Variants in GTF3C3 observed in about 807,000 individuals in gnomAD.
GTF3C3 encodes the protein general transcription factor IIIC subunit 3, also known as general transcription factor 3C polypeptide 3.
Under a neutral mutation model 105.2 loss-of-function variants are expected in GTF3C3, and 75 were observed. That is an observed-to-expected ratio of 0.71 (90% CI 0.59 to 0.86). GTF3C3 has a LOEUF of 0.86. Ranked by LOEUF, GTF3C3 falls within the 40% of genes least tolerant of loss-of-function variation. The probability of loss-of-function intolerance (pLI) is 0.00; values close to 1 mark genes in which losing one functional copy is unlikely to be tolerated. For missense variants in GTF3C3, 856 were observed against 1,076.5 expected (o/e 0.80, Z 2.87); for synonymous variants, 335 against 370.4 (o/e 0.90, Z 1.10).
intron 8 of GTF3C3, 148 bp downstream of exon 8, chr2:196,784,709 T>A (rs1438044550): frequency 1.1e-5 from 11 of 1,017,312 alleles, no homozygotes; most frequent in Non-Finnish European, 1.3e-5. Context: ...ATATGAAATC[T>A]CTGAGAAAAA....
rs1333151930 is a variant in GTF3C3 at position 196,791,331 on chromosome 2, A to G, written c.535+6T>C. 2 of 1,613,876 alleles carry G rather than the reference A, an allele frequency of 1.2e-6. No individual in the cohort carries two copies. The highest frequency in any genetic ancestry group is 2.2e-5 in the East Asian group (1 of 44,862). On this transcript the variant is annotated splice_donor_region_variant and intron_variant, in intron 4 of 17. Transcript: ENST00000263956. ...CTATTATTAACAAAGTCCCCACAGAAAACACCTTGTCTTATGATTTCCATG... is the reference window on the plus strand; with the variant it reads ...CTATTATTAACAAAGTCCCCACAGAGAACACCTTGTCTTATGATTTCCATG...
At chr2:196,781,567 C>T (rs1699364003) in intron 8 of GTF3C3, among the ~76,000 whole-genome samples, 1 of 151,090 alleles carries the variant, frequency 6.6e-6, no homozygotes. Context: ...AAATAATACA[C>T]TATTTTATAT....
In GTF3C3 at chr2:196,781,357, A is replaced by AAT. The variant is rs1553578901; in HGVS notation, c.1115-697_1115-696dup. 3.4e-3 allele frequency among the ~76,000 whole-genome samples: 64 copies of AAT among 18,756 alleles called. 1 individual carries two copies. Among genetic ancestry groups the AAT allele is most frequent in the South Asian group, 0.013 (4 of 302 alleles). 12.3% of individuals were successfully genotyped at this position (18,756 alleles called of 152,430 possible). On this transcript the variant is annotated intron_variant, in intron 8 of 17. Transcript: ENST00000263956. Reference sequence around the variant, plus strand: ...ATGTTAAGGGGAAAAAAAAAAAAAAAATATATATATATATATATATATATA... The same window carrying AAT: ...ATGTTAAGGGGAAAAAAAAAAAAAAAATATATATATATATATATATATATATA...
At position 196,789,287 on chromosome 2, in the gene GTF3C3, G is replaced by A; in HGVS notation, c.810C>T (p.Ala270=). Residue 270 remains alanine (A), a synonymous_variant, in exon 6 of 18, where the codon GCC becomes GCT. Coordinates refer to ENST00000263956, the MANE Select transcript of GTF3C3 (RefSeq NM_012086.5). ...TTAAAATACGCCTATAACCATCCAT[G>A]GCCATTTTATGATCACCCATCTGTT... ...LYEQMGDHKM[A]MDGYRRILNL... The A allele has an allele frequency of 1.2e-6, 2 of 1,613,200 alleles. No homozygotes were observed. Among genetic ancestry groups the A allele is most frequent in the Non-Finnish European group, 1.7e-6 (2 of 1,179,376 alleles).
chr2:196,799,641 G>A lies in GTF3C3; in HGVS notation c.-30C>T. On this transcript the variant is annotated 5_prime_UTR_variant, in exon 1 of 18. Transcript: ENST00000263956. ...ACAGGGTCTGTCTGTGCAACCCCAG[G>A]AACCGGGACAGAGAACCGGAAGAGC... 1 of 1,504,400 alleles carries A rather than the reference G, an allele frequency of 6.6e-7. No homozygotes were observed. Among genetic ancestry groups the A allele is most frequent in the Non-Finnish European group, 9.3e-7 (1 of 1,081,020 alleles). 93.2% of individuals were successfully genotyped at this position (1,504,400 alleles called of 1,614,324 possible).
chr2:196,781,996 TG>T (rs1321399691), intron 8 of GTF3C3, among the ~76,000 whole-genome samples: 1 of 152,228 alleles, frequency 6.6e-6, no homozygotes, highest in Non-Finnish European at 1.5e-5. Context: ...TTATCATGTA[TG>T]GGTTCTACAT....
At position 196,766,575 on chromosome 2, in the gene GTF3C3, A is replaced by ATACCTCTAC. The variant is rs1320410354; in HGVS notation, c.2527_2528insGTAGAGGTA (p.Leu843delinsArgArgGlyIle). ...AAAAATGCACAATACCTCTACCACA[A>ATACCTCTAC]GTGGAGGGAGCTCCAGGGCCTTCTG... On this transcript the variant is annotated protein_altering_variant, in exon 17 of 18. Coordinates refer to ENST00000263956, the MANE Select transcript of GTF3C3 (RefSeq NM_012086.5). 6.2e-7 allele frequency: 1 copy of ATACCTCTAC among 1,609,946 alleles called. No individual in the cohort carries two copies. The highest frequency in any genetic ancestry group is 1.1e-5 in the South Asian group (1 of 90,530).
At chr2:196,780,465 A>G in intron 9 of GTF3C3, 94 bp downstream of exon 9, 1 of 1,406,488 alleles carries the variant, frequency 7.1e-7, no homozygotes, top group East Asian at 2.5e-5. Flanking sequence ...AAGAAATGTG[A>G]AACTCTAGGG....
Position 196,771,659 on chromosome 2 carries a change from T to A in GTF3C3, c.2260+89A>T, listed in dbSNP as rs1452619759. ...GTAGAATAATTTGTCACAGTGAGGC[T>A]GATAATTAACCCAGACAGTTCCAAT... On this transcript the variant is annotated intron_variant, in intron 15 of 17. Coordinates refer to ENST00000263956, the MANE Select transcript of GTF3C3 (RefSeq NM_012086.5). 5 of 832,564 alleles carry A rather than the reference T, an allele frequency of 6.0e-6. No homozygotes were observed. In the African/African-American group the frequency reaches 8.5e-5, roughly 14 times the overall value. 51.6% of individuals were successfully genotyped at this position (832,564 alleles called of 1,614,324 possible).
At chr2:196,789,727 A>G in intron 5 of GTF3C3, 152 bp downstream of exon 5, 1 of 574,042 alleles carries the variant, frequency 1.7e-6, no homozygotes, top group Non-Finnish European at 3.0e-6. Context: ...ACATGAGAAC[A>G]GAGGAACCCC....
intron 9 of GTF3C3, among the ~76,000 whole-genome samples, chr2:196,779,486 T>G (rs1699311287): frequency 6.6e-6 from 1 of 152,200 alleles, no homozygotes; most frequent in Non-Finnish European, 1.5e-5. Context: ...GTCATTTTTC[T>G]GTTCACTTCT....
At chr2:196,789,806 A>T in intron 5 of GTF3C3, 73 bp downstream of exon 5, 1 of 926,764 alleles carries the variant, frequency 1.1e-6, no homozygotes, top group East Asian at 2.6e-5. Context: ...ACCCCAGAAT[A>T]GCAAATACAA....
In GTF3C3 at chr2:196,786,628, C is replaced by A. The variant is rs116343263; in HGVS notation, c.894-1040G>T. On this transcript the variant is annotated intron_variant, in intron 6 of 17. Transcript: ENST00000263956. This position sits in a 1 kb window ranked among gnomAD's most constrained non-coding sequence, Gnocchi z 4.2. The stretch of plus-strand genomic sequence containing the variant: ...TGTCTCTTCCCTCACAAATCTTCAA[C>A]GTGTCCCTCAATTTTTGATTACTCC... Among the ~76,000 whole-genome samples, 1 of 152,120 alleles carries A rather than the reference C, an allele frequency of 6.6e-6. No individual in the cohort carries two copies. The highest frequency in any genetic ancestry group is 1.5e-5 in the Non-Finnish European group (1 of 68,026).
At position 196,776,041 on chromosome 2, in the gene GTF3C3, G is replaced by A; in HGVS notation, c.1664C>T (p.Thr555Ile). ...SQGKMYGYVD[T>I]LLTMLAMLLK... is the part of the protein sequence containing the mutation. ...AAGCATGGCTAACATAGTAAGTAAG[G>A]TATCCACATAACCATACATTTTGCC... The change falls in exon 12 of 18, where the codon ACC becomes ATC. Residue 555 changes from threonine to isoleucine, a missense_variant. Transcript: ENST00000263956. The surrounding 1 kb of genome is among the most constrained non-coding windows in gnomAD (Gnocchi z 4.5). The A allele has an allele frequency of 6.3e-7, 1 of 1,583,182 alleles. No homozygotes were observed. The highest frequency in any genetic ancestry group is 8.6e-7 in the Non-Finnish European group (1 of 1,160,962).
chr2:196,790,215 G>A (rs1381143120), intron 4 of GTF3C3, 145 bp from the exon 5 acceptor site: 1 of 462,968 alleles, frequency 2.2e-6, no homozygotes, highest in Non-Finnish European at 3.7e-6. Flanking sequence ...ACTGCTTAAG[G>A]CAAGTTGAAA....
At chr2:196,772,483 G>A (rs1457951828) in intron 14 of GTF3C3, among the ~76,000 whole-genome samples, 2 of 152,194 alleles carry the variant, frequency 1.3e-5, no homozygotes, top group Admixed American at 1.3e-4. Flanking sequence ...GGGAGGCGGA[G>A]GTTGCGGTGA....
intron 6 of GTF3C3, among the ~76,000 whole-genome samples, chr2:196,788,870 G>A (rs1699497982): frequency 6.6e-6 from 1 of 152,038 alleles, no homozygotes. Flanking sequence ...TTCGAGACCA[G>A]CCTGAACAAC....
intron 2 of GTF3C3, among the ~76,000 whole-genome samples, chr2:196,795,671 T>C (rs1699630103): frequency 6.6e-6 from 1 of 152,208 alleles, no homozygotes; most frequent in African/African-American, 2.4e-5. Context: ...TTTTATTTCA[T>C]GAAGAGTATC....
At chr2:196,782,151 G>T (rs775791035) in intron 8 of GTF3C3, among the ~76,000 whole-genome samples, 1 of 152,100 alleles carries the variant, frequency 6.6e-6, no homozygotes, top group Non-Finnish European at 1.5e-5. Flanking sequence ...TATGTGGGTG[G>T]GATTTGTGCC....
Sources: gnomAD v4.1 joint callset for allele counts (sites outside exome capture counted in the v4.1 genomes callset) on GRCh38, gnomAD v4.1.1 for gene constraint, Gnocchi (gnomAD v3.1) non-coding constraint, MANE v1.5 for transcripts, NCBI Gene and HGNC (gene_info 2026-07-23, HGNC 2026-07-21) for gene names.